Variants in ARHGAP15 observed in about 807,000 individuals in gnomAD.
ARHGAP15 encodes rho GTPase-activating protein 15.
In ARHGAP15, 51 loss-of-function variants were observed where a neutral mutation model predicts 63.7. The observed-to-expected ratio is 0.80, with a 90% confidence interval of 0.64 to 1.01. The LOEUF is 1.01. Among genes scored for constraint, ARHGAP15 ranks in the 50% least tolerant of loss-of-function variants. The pLI, the probability that ARHGAP15 is intolerant of heterozygous loss-of-function variation, is 0.00. For synonymous variants in ARHGAP15, 191 were observed against 193.8 expected, an observed-to-expected ratio of 0.99 and a Z score of 0.12; for missense variants, 560 against 564.6, an observed-to-expected ratio of 0.99 and a Z score of 0.08.
intron 8 of ARHGAP15, among the ~76,000 whole-genome samples, chr2:143,465,072 A>G (rs1488314814): frequency 6.6e-6 from 1 of 152,126 alleles, no homozygotes; most frequent in Admixed American, 6.6e-5. Context: ...AAATGTTTCT[A>G]TTATTCCTCC....
intron 3 of ARHGAP15, among the ~76,000 whole-genome samples, chr2:143,204,153 T>A (rs1692232832): frequency 6.6e-6 from 1 of 152,122 alleles, no homozygotes; most frequent in Non-Finnish European, 1.5e-5. Context: ...CTCACCACCA[T>A]TACTATCATC....
At chr2:143,334,314 TAC>T (rs1399988748) in intron 6 of ARHGAP15, among the ~76,000 whole-genome samples, 1 of 152,304 alleles carries the variant, frequency 6.6e-6, no homozygotes, top group African/African-American at 2.4e-5. Context: ...TTATAGAAAA[TAC>T]CTTTTTTCTC....
At chr2:143,137,846 T>C (rs1392737420) in intron 1 of ARHGAP15, among the ~76,000 whole-genome samples, 1 of 152,098 alleles carries the variant, frequency 6.6e-6, no homozygotes, top group Non-Finnish European at 1.5e-5. Flanking sequence ...AATTTCATGT[T>C]AGAATTTTAA....
rs188700725 is a variant in ARHGAP15 at position 143,422,316 on chromosome 2, A to C, written c.475-13285A>C. ...TCAGAAATTGAGGGAGAAACTTACT[A>C]TACTGATGATCTTTAGATATCATTT... is the stretch of plus-strand genomic sequence containing the variant. On this transcript the variant is annotated intron_variant, in intron 6 of 13. Coordinates refer to ENST00000295095, the MANE Select transcript of ARHGAP15 (RefSeq NM_018460.4). 3.0e-3 allele frequency among the ~76,000 whole-genome samples: 454 copies of C among 152,278 alleles called. 3 individuals carry two copies. The highest frequency in any genetic ancestry group is 0.011 in the African/African-American group (439 of 41,556).
At chr2:143,341,539 T>C (rs542895003) in intron 6 of ARHGAP15, among the ~76,000 whole-genome samples, 1 of 152,282 alleles carries the variant, frequency 6.6e-6, no homozygotes, top group South Asian at 2.1e-4. Context: ...TGTCCTCTTC[T>C]TTCCTTTTCG....
intron 13 of ARHGAP15, among the ~76,000 whole-genome samples, chr2:143,744,031 C>T (rs1434635881): frequency 2.0e-5 from 3 of 152,160 alleles, no homozygotes; most frequent in Non-Finnish European, 4.4e-5. Context: ...AATTAATCAC[C>T]TTTGGAAACT....
At chr2:143,449,411 C>A (rs200250712) in intron 8 of ARHGAP15, among the ~76,000 whole-genome samples, 2 of 152,058 alleles carry the variant, frequency 1.3e-5, no homozygotes, top group East Asian at 3.9e-4. Flanking sequence ...CATGTAGCCT[C>A]TTTTTGTTAT....
intron 12 of ARHGAP15, among the ~76,000 whole-genome samples, chr2:143,639,206 A>C (rs1039663474): frequency 5.9e-5 from 9 of 152,180 alleles, no homozygotes; most frequent in Non-Finnish European, 8.8e-5. Flanking sequence ...TGTTGTTAAA[A>C]ACTACAATGG....
chr2:143,468,661 A>AGT (rs72252562), intron 8 of ARHGAP15, among the ~76,000 whole-genome samples: 35,437 of 132,964 alleles, frequency 0.27, 4,819 homozygotes, highest in East Asian at 0.4. Flanking sequence ...AGAGAGAGAG[A>AGT]GAGTGTGTGT....
intron 9 of ARHGAP15, among the ~76,000 whole-genome samples, chr2:143,516,820 A>G (rs529902199): frequency 1.3e-5 from 2 of 152,358 alleles, no homozygotes; most frequent in South Asian, 2.1e-4. Context: ...TTACTTGACC[A>G]AAGTATTCAA....
intron 8 of ARHGAP15, among the ~76,000 whole-genome samples, chr2:143,440,360 T>G (rs1477356363): frequency 6.6e-6 from 1 of 152,160 alleles, no homozygotes; most frequent in African/African-American, 2.4e-5. Flanking sequence ...CCTTTGGAGA[T>G]TAAATAATTA....
chr2:143,718,803 T>C (rs1483752063), intron 13 of ARHGAP15, among the ~76,000 whole-genome samples: 1 of 152,202 alleles, frequency 6.6e-6, no homozygotes, highest in Admixed American at 6.5e-5. Context: ...CAAATACAGG[T>C]TGAGTACTTA....
chr2:143,290,265 A>G (rs569752929), intron 6 of ARHGAP15, among the ~76,000 whole-genome samples: 5 of 152,254 alleles, frequency 3.3e-5, no homozygotes, highest in African/African-American at 1.2e-4. Context: ...TTGAGGAAGG[A>G]GAGCTAAATA....
At chr2:143,509,101 T>A (rs997689580) in intron 9 of ARHGAP15, among the ~76,000 whole-genome samples, 2 of 152,202 alleles carry the variant, frequency 1.3e-5, no homozygotes, top group African/African-American at 4.8e-5. Context: ...AACTCCGCTA[T>A]CCTTGTTCGG....
chr2:143,286,925 G>A (rs911244930), intron 6 of ARHGAP15, among the ~76,000 whole-genome samples: 4 of 152,022 alleles, frequency 2.6e-5, no homozygotes, highest in Admixed American at 6.6e-5. Flanking sequence ...TGATCTTATG[G>A]GATCACCCTT....
At chr2:143,319,299 A>C (rs1435309331) in intron 6 of ARHGAP15, among the ~76,000 whole-genome samples, 2 of 148,848 alleles carry the variant, frequency 1.3e-5, no homozygotes, top group Non-Finnish European at 3.0e-5. Context: ...ATCTCAGTTC[A>C]CTGCAGCCTC....
chr2:143,211,883 G>A lies in ARHGAP15; in HGVS notation c.235-4501G>A, dbSNP rs373281201. On this transcript the variant is annotated intron_variant, in intron 3 of 13. Coordinates refer to ENST00000295095, the MANE Select transcript of ARHGAP15 (RefSeq NM_018460.4). ...CTAGGATTCAGATGGCTGCCAATGAGCACATTATCAGAACAAAGGGGAAGA... is the reference window on the plus strand; with the variant it reads ...CTAGGATTCAGATGGCTGCCAATGAACACATTATCAGAACAAAGGGGAAGA... 1.2e-4 allele frequency among the ~76,000 whole-genome samples: 19 copies of A among 152,234 alleles called. No homozygotes were observed. The East Asian group carries it at 2.9e-3, about 23-fold the overall frequency.
At chr2:143,205,595 G>A (rs1291689775) in intron 3 of ARHGAP15, among the ~76,000 whole-genome samples, 1 of 152,064 alleles carries the variant, frequency 6.6e-6, no homozygotes, top group South Asian at 2.1e-4. Context: ...GTCTATGCTT[G>A]TAACCTTTCT....
intron 13 of ARHGAP15, among the ~76,000 whole-genome samples, chr2:143,731,707 T>C (rs747963611): frequency 2.0e-5 from 3 of 152,226 alleles, no homozygotes; most frequent in Non-Finnish European, 4.4e-5. Flanking sequence ...GCATATAGCA[T>C]AGTGAATTTA....
Sources: allele counts gnomAD v4.1 joint callset (sites outside exome capture counted in the v4.1 genomes callset), GRCh38; gene constraint gnomAD v4.1.1; transcripts MANE v1.5; gene names NCBI Gene and HGNC (gene_info 2026-07-23, HGNC 2026-07-21).